Variants in SAMD3 observed in about 807,000 individuals in gnomAD.
The protein encoded by SAMD3 is sterile alpha motif domain containing 3.
In SAMD3, 63 loss-of-function variants were observed where a neutral mutation model predicts 58.5. The observed-to-expected ratio is 1.08, with a 90% CI of 0.88 to 1.33. SAMD3 has a LOEUF of 1.33. Among genes scored for constraint, SAMD3 ranks in the 40% most tolerant of loss-of-function variants. SAMD3 has a pLI of 0.00. For synonymous variants in SAMD3, 220 were observed against 210.3 expected, an observed-to-expected ratio of 1.05 and a Z score of -0.40; for missense variants, 604 against 608.4, an observed-to-expected ratio of 0.99 and a Z score of 0.08.
chr6:130,154,718 AATAT>A (rs147697847), intron 9 of SAMD3, 103 bp downstream of exon 9: 928 of 72,322 alleles, frequency 0.013, 28 homozygotes, highest in South Asian at 0.039. Context: ...AAAAAAAAAA[AATAT>A]ATATATATAT....
At chr6:130,298,214 A>G (rs1775632674) in intron 2 of SAMD3, among the ~76,000 whole-genome samples, 1 of 152,150 alleles carries the variant, frequency 6.6e-6, no homozygotes, top group Non-Finnish European at 1.5e-5. Flanking sequence ...ACCAAAAGAG[A>G]TTGGGGGCCT....
rs1405323440 is a variant in SAMD3, at chr6:130,204,683, C to A, written c.383+4812G>T. Among the ~76,000 whole-genome samples, 3 of 151,918 alleles carry A rather than the reference C, an allele frequency of 2.0e-5. No individual in the cohort carries two copies. In the East Asian group the frequency reaches 5.8e-4, roughly 29 times the overall value. On this transcript the variant is annotated intron_variant, in intron 5 of 11. Transcript: ENST00000439090. ...GCACTCTAGTGTTTCCTTGGACACC[C>A]AATTCACCCACTGGAACACACACCT...
chr6:130,313,584 C>T (rs1776260973), intron 1 of SAMD3, among the ~76,000 whole-genome samples: 1 of 152,182 alleles, frequency 6.6e-6, no homozygotes, highest in African/African-American at 2.4e-5. Context: ...ATTAAATTCC[C>T]TCACTTTCTG....
intron 5 of SAMD3, among the ~76,000 whole-genome samples, chr6:130,187,737 A>G (rs1161086385): frequency 6.6e-6 from 1 of 152,188 alleles, no homozygotes; most frequent in Non-Finnish European, 1.5e-5. Flanking sequence ...GAACACCATA[A>G]TAAGTCAGCC....
intron 2 of SAMD3, among the ~76,000 whole-genome samples, chr6:130,262,584 G>GA (rs143157089): frequency 0.32 from 45,886 of 143,434 alleles, 7,404 homozygotes; most frequent in East Asian, 0.48. Context: ...CCAGGTAATT[G>GA]AAAAAAAAAA....
intron 1 of SAMD3, among the ~76,000 whole-genome samples, chr6:130,313,838 T>C (rs1399979383): frequency 6.6e-6 from 1 of 152,198 alleles, no homozygotes; most frequent in East Asian, 1.9e-4. Flanking sequence ...GCTAAGCAGC[T>C]TCCTTCCCTG....
chr6:130,344,825 CAAA>C (rs56795907), intron 1 of SAMD3, among the ~76,000 whole-genome samples: 770 of 41,068 alleles, frequency 0.019, 5 homozygotes, highest in African/African-American at 0.077. Context: ...ACAACAACAG[CAAA>C]AAAAAAAAAA....
chr6:130,188,963 C>A (rs1485909912), intron 5 of SAMD3, among the ~76,000 whole-genome samples: 2 of 152,122 alleles, frequency 1.3e-5, no homozygotes, highest in Non-Finnish European at 2.9e-5. Flanking sequence ...GGCCTCAGCT[C>A]TGAGCTTTAT....
chr6:130,260,044 T>A (rs1774068606), intron 2 of SAMD3, among the ~76,000 whole-genome samples: 1 of 152,218 alleles, frequency 6.6e-6, no homozygotes, highest in South Asian at 2.1e-4. Flanking sequence ...AACTATTGAG[T>A]TCTTAGAGTC....
chr6:130,277,533 G>C (rs1230618868), intron 2 of SAMD3, among the ~76,000 whole-genome samples: 1 of 152,120 alleles, frequency 6.6e-6, no homozygotes, highest in Non-Finnish European at 1.5e-5. Flanking sequence ...TTCATAAATG[G>C]TGTACAGTCT....
At chr6:130,186,141 G>A (rs911175176) in intron 5 of SAMD3, among the ~76,000 whole-genome samples, 17 of 152,098 alleles carry the variant, frequency 1.1e-4, no homozygotes, top group African/African-American at 4.1e-4. Flanking sequence ...AAATAGGATC[G>A]ATTTGTGGTG....
intron 1 of SAMD3, among the ~76,000 whole-genome samples, chr6:130,334,881 T>C (rs934758040): frequency 3.9e-5 from 6 of 152,252 alleles, no homozygotes; most frequent in African/African-American, 7.2e-5. Flanking sequence ...AACCAGGTTA[T>C]ATTTACAGTA....
chr6:130,252,805 C>T lies in SAMD3; in HGVS notation c.-187-29992G>A, dbSNP rs181745145. ...GGCACAGGAGCAAGCTTCAGAGATG[C>T]GCTCTGTGGAAGGGTTCTCTCGATC... On this transcript the variant is annotated intron_variant, in intron 2 of 13. Transcript: ENST00000368134. Among the ~76,000 whole-genome samples, 7 of 152,244 alleles carry T rather than the reference C, an allele frequency of 4.6e-5. No individual in the cohort carries two copies. In the East Asian group the frequency reaches 1.2e-3, roughly 25 times the overall value.
chr6:130,144,776 A>ACTT lies in SAMD3; in HGVS notation c.1304_1306dup (p.Glu435dup), dbSNP rs777380732. On this transcript the variant is annotated inframe_insertion, in exon 12 of 12. Transcript: ENST00000439090. Reference sequence around the variant, plus strand: ...GACCTCCATGTTGAAAGGGTTTTTAACTTCCAACACAGGTGTGGACACTTG... The same window carrying ACTT: ...GACCTCCATGTTGAAAGGGTTTTTAACTTCTTCCAACACAGGTGTGGACACTTG... The ACTT allele has an allele frequency of 1.9e-6, 3 of 1,613,976 alleles. No homozygotes were observed. Among genetic ancestry groups the ACTT allele is most frequent in the Non-Finnish European group, 2.5e-6 (3 of 1,179,964 alleles).
upstream of SAMD3, among the ~76,000 whole-genome samples, chr6:130,223,709 C>G (rs1172369168): frequency 1.3e-5 from 2 of 152,156 alleles, no homozygotes; most frequent in Non-Finnish European, 2.9e-5. Context: ...CTCGCTTCTT[C>G]AGTACCCTGC....
At chr6:130,162,982 T>C (rs1245899236) in intron 8 of SAMD3, among the ~76,000 whole-genome samples, 1 of 152,206 alleles carries the variant, frequency 6.6e-6, no homozygotes, top group Non-Finnish European at 1.5e-5. Flanking sequence ...TTTTGCTATA[T>C]TGCCCAGCTG....
At chr6:130,163,435 C>T (rs1050221913) in intron 8 of SAMD3, among the ~76,000 whole-genome samples, 1 of 152,180 alleles carries the variant, frequency 6.6e-6, no homozygotes, top group Non-Finnish European at 1.5e-5. Flanking sequence ...GATGTACCCC[C>T]TATGGAACTT....
intron 4 of SAMD3, among the ~76,000 whole-genome samples, chr6:130,213,147 A>G (rs1288264518): frequency 6.6e-6 from 1 of 151,896 alleles, no homozygotes; most frequent in Non-Finnish European, 1.5e-5. Flanking sequence ...CATAAAAATA[A>G]ATTAGCCAGT....
At position 130,285,770 on chromosome 6, in the gene SAMD3, A is replaced by G. The variant is rs373508995; in HGVS notation, c.-188+27208T>C. Reference sequence around the variant, plus strand: ...AGTCCATCTTATTCCCAGTTAAAGGAAATGTGTGTTGAATAAATGGCACTA... The same window carrying G: ...AGTCCATCTTATTCCCAGTTAAAGGGAATGTGTGTTGAATAAATGGCACTA... On this transcript the variant is annotated intron_variant, in intron 2 of 13. Transcript: ENST00000368134. Among the ~76,000 whole-genome samples, 441 of 152,352 alleles carry G rather than the reference A, an allele frequency of 2.9e-3. 4 individuals are homozygous for G. The highest frequency in any genetic ancestry group is 8.2e-3 in the African/African-American group (342 of 41,580).
Sources: gnomAD v4.1 joint callset for allele counts (sites outside exome capture counted in the v4.1 genomes callset) on GRCh38, gnomAD v4.1.1 for gene constraint, MANE v1.5 for transcripts, NCBI Gene and HGNC (gene_info 2026-07-23, HGNC 2026-07-21) for gene names.